The following AP3S2 variants were observed in gnomAD, a reference collection of about 807,000 sequenced individuals.
AP3S2 encodes adaptor related protein complex 3 subunit sigma 2, also known as AP-3 complex subunit sigma-2.
AP3S2 carries 22 observed loss-of-function variants against 23.4 expected under a neutral mutation model. The ratio of observed to expected loss-of-function variants is 0.94; its 90% confidence interval spans 0.67 to 1.34. The LOEUF (loss-of-function observed/expected upper bound fraction) is 1.34. AP3S2 is among the 40% of genes most tolerant of loss of function. AP3S2 has a pLI of 0.00. For synonymous variants in AP3S2, 86 were observed against 87.1 expected, an observed-to-expected ratio of 0.99 and a Z score of 0.07; for missense variants, 241 against 236.9, an observed-to-expected ratio of 1.02 and a Z score of -0.11.
At position 89,833,328 on chromosome 15, in the gene AP3S2, A is replaced by C. The variant is rs572745331; in HGVS notation, c.*2187T>G. The stretch of plus-strand genomic sequence containing the variant: ...TGAGAAGTCAGACTCTCTGAGGCTC[A>C]GTTTCCTTATCTATAAAAAAGAAGA... On this transcript the variant is annotated 3_prime_UTR_variant, in exon 6 of 6. Coordinates refer to ENST00000336418, the MANE Select transcript of AP3S2 (RefSeq NM_005829.5). 6.6e-6 allele frequency: 1 copy of C among 152,344 alleles called. No homozygotes were observed. Among genetic ancestry groups the C allele is most frequent in the African/African-American group, 2.4e-5 (1 of 41,574 alleles). The allele number at this position is 152,344 out of a possible 1,614,324, so 9.4% of individuals were successfully genotyped here. A position where few individuals can be genotyped will look rare whatever the true frequency, so the allele number is the denominator to read the frequency against.
rs1895079464 is a variant in AP3S2, at chr15:89,831,607, TG to T, written c.*3907del. 6.6e-6 allele frequency: 1 copy of T among 152,332 alleles called. No individual in the cohort carries two copies. Among genetic ancestry groups the T allele is most frequent in the Admixed American group, 6.5e-5 (1 of 15,292 alleles). The allele number at this position is 152,332 out of a possible 1,614,324, so 9.4% of individuals were successfully genotyped here. ...ACTGGTCCACAAGATCAGATTTAGC[TG>T]CCCCTGGTTTGAGCCTTGCTCCCCT... is the stretch of plus-strand genomic sequence containing the variant. On this transcript the variant is annotated 3_prime_UTR_variant, in exon 6 of 6. Transcript: ENST00000336418.
intron 4 of AP3S2, among the ~76,000 whole-genome samples, chr15:89,864,584 G>A (rs953924610): frequency 6.0e-5 from 9 of 150,942 alleles, no homozygotes; most frequent in African/African-American, 1.5e-4. Flanking sequence ...TTTTTGAGAC[G>A]GAGTCTCGCT....
chr15:89,869,494 C>T (rs1252545246), intron 4 of AP3S2, among the ~76,000 whole-genome samples: 11 of 143,968 alleles, frequency 7.6e-5, no homozygotes, highest in Non-Finnish European at 1.4e-4. Flanking sequence ...TGTTTATCTG[C>T]TGACCTTCCC....
In AP3S2 at chr15:89,835,300, C is replaced by T. The variant is rs1349089357; in HGVS notation, c.*215G>A. ...TGCAGTGGCCGTATGCATCAGAGAA[C>T]GGCATGACTGCACATGTGAGAACTG... On this transcript the variant is annotated 3_prime_UTR_variant, in exon 6 of 6. Transcript: ENST00000336418. 7.2e-5 allele frequency: 53 copies of T among 739,154 alleles called. No individual in the cohort carries two copies. Among genetic ancestry groups the T allele is most frequent in the Non-Finnish European group, 9.4e-5 (45 of 476,474 alleles). 45.8% of individuals were successfully genotyped at this position (739,154 alleles called of 1,614,324 possible). A position where few individuals can be genotyped will look rare whatever the true frequency, so the allele number is the denominator to read the frequency against.
At chr15:89,891,415 T>C (rs1487980933) in intron 1 of AP3S2, among the ~76,000 whole-genome samples, 2 of 152,078 alleles carry the variant, frequency 1.3e-5, no homozygotes, top group Non-Finnish European at 2.9e-5. Context: ...TCCCTGCACT[T>C]TGGGAGGCCA....
chr15:89,867,862 C>A (rs1896179058), intron 4 of AP3S2, among the ~76,000 whole-genome samples: 2 of 131,742 alleles, frequency 1.5e-5, no homozygotes, highest in African/African-American at 5.6e-5. Context: ...CCGGCAGCCA[C>A]CCCATCTGGG....
At chr15:89,852,518 T>C (rs1481333716) in intron 4 of AP3S2, 1 of 152,170 alleles carries the variant, frequency 6.6e-6, no homozygotes, top group Non-Finnish European at 1.5e-5. Flanking sequence ...AGTTTTTAAC[T>C]GTACTGAGCT....
At chr15:89,848,864 C>A (rs575908991) in intron 4 of AP3S2, 2 of 152,098 alleles carry the variant, frequency 1.3e-5, no homozygotes, top group Non-Finnish European at 2.9e-5. Context: ...GACTCTAGTT[C>A]CCATATTATA....
At chr15:89,837,867 G>T in intron 4 of AP3S2, 145 bp from the exon 5 acceptor site, 1 of 856,136 alleles carries the variant, frequency 1.2e-6, no homozygotes, top group South Asian at 1.7e-5. Context: ...CCCCTGCCCA[G>T]TGACACAACG....
intron 5 of AP3S2, 65 bp from the exon 6 acceptor site, chr15:89,835,708 A>G: frequency 1.4e-6 from 2 of 1,479,282 alleles, no homozygotes; most frequent in East Asian, 4.8e-5. Context: ...TGCTAAAAAA[A>G]AAAAAAAAAA....
At chr15:89,888,710 G>C in intron 2 of AP3S2, 78 bp from the exon 3 acceptor site, 2 of 1,435,430 alleles carry the variant, frequency 1.4e-6, no homozygotes, top group Non-Finnish European at 9.5e-7. Context: ...CAAAGAATGA[G>C]AAAGGACCCA....
intron 3 of AP3S2, among the ~76,000 whole-genome samples, chr15:89,878,936 C>T (rs1259652926): frequency 4.6e-5 from 7 of 152,292 alleles, no homozygotes; most frequent in African/African-American, 1.4e-4. Context: ...TTAGTAGAGA[C>T]GAGGTTTCAC....
Position 89,881,649 on chromosome 15 carries a change from T to C in AP3S2, c.273+6872A>G, listed in dbSNP as rs547401594. Among the ~76,000 whole-genome samples the C allele has an allele frequency of 7.9e-5, 12 of 152,198 alleles. No individual in the cohort carries two copies. The South Asian group carries it at 1.5e-3, about 18-fold the overall frequency. ...TCAATTATATTATAGAAGGCTGACA[T>C]GGAAAACAAAATTATAAACCCACAC... On this transcript the variant is annotated intron_variant, in intron 3 of 5. Coordinates refer to ENST00000336418, the MANE Select transcript of AP3S2 (RefSeq NM_005829.5).
At position 89,837,699 on chromosome 15, in the gene AP3S2, C is replaced by G. The variant is rs769976020; in HGVS notation, c.369G>C (p.Val123=). The G allele has an allele frequency of 1.8e-5, 29 of 1,614,150 alleles. No homozygotes were observed. Among genetic ancestry groups the G allele is most frequent in the Non-Finnish European group, 2.5e-5 (29 of 1,180,016 alleles). The change falls in exon 5 of 6, where the codon GTG becomes GTC. Residue 123 remains valine, a synonymous_variant. Coordinates refer to ENST00000336418, the MANE Select transcript of AP3S2 (RefSeq NM_005829.5). ...TTTCCAACACCATCCCACCCATCACCACCTCCTGGAGGATGTAGTGCACCT... is the reference window on the plus strand; with the variant it reads ...TTTCCAACACCATCCCACCCATCACGACCTCCTGGAGGATGTAGTGCACCT... ...MDKVHYILQE[V]VMGGMVLETN...
intron 4 of AP3S2, among the ~76,000 whole-genome samples, chr15:89,848,442 G>C (rs1459326847): frequency 1.3e-5 from 2 of 152,182 alleles, no homozygotes; most frequent in African/African-American, 4.8e-5. Context: ...CTCACTGCAG[G>C]CTCCGCCTCC....
chr15:89,873,248 A>G (rs113290378), intron 3 of AP3S2, among the ~76,000 whole-genome samples: 4 of 149,204 alleles, frequency 2.7e-5, no homozygotes, highest in African/African-American at 9.8e-5. Context: ...ATCTTTTTGG[A>G]GCTGCTTATA....
chr15:89,855,143 G>C lies in AP3S2; in HGVS notation c.345+16332C>G, dbSNP rs1230840313. Among the ~76,000 whole-genome samples the C allele has an allele frequency of 3.4e-3, 420 of 124,734 alleles. 11 individuals carry two copies. The highest frequency in any genetic ancestry group is 0.012 in the African/African-American group (400 of 33,276). The allele number at this position is 124,734 out of a possible 152,430, so 81.8% of individuals were successfully genotyped here. On this transcript the variant is annotated intron_variant, in intron 4 of 5. Coordinates refer to ENST00000336418, the MANE Select transcript of AP3S2 (RefSeq NM_005829.5). ...GATGGTTGCCGTGTCTGTGTAGAAAGAAGTAGACATGGGAGACTTTTCATT... is the reference window on the plus strand; with the variant it reads ...GATGGTTGCCGTGTCTGTGTAGAAACAAGTAGACATGGGAGACTTTTCATT...
intron 4 of AP3S2, among the ~76,000 whole-genome samples, chr15:89,856,635 G>A (rs1297597645): frequency 6.8e-6 from 1 of 147,072 alleles, no homozygotes; most frequent in African/African-American, 2.5e-5. Flanking sequence ...CCAGGAGGCA[G>A]AGATTGCAGT....
Position 89,855,918 on chromosome 15 carries a change from G to A in AP3S2, c.345+15557C>T, listed in dbSNP as rs575991862. Among the ~76,000 whole-genome samples, 6 of 132,418 alleles carry A rather than the reference G, an allele frequency of 4.5e-5. No homozygotes were observed. In the South Asian group the frequency reaches 1.5e-3, roughly 33 times the overall value. The allele number at this position is 132,418 out of a possible 152,430, so 86.9% of individuals were successfully genotyped here. ...ATGTCTGCACCAATAATTCCAGCAT[G>A]TGTATGAATAAATATGATATGTCCT... On this transcript the variant is annotated intron_variant, in intron 4 of 5. Coordinates refer to ENST00000336418, the MANE Select transcript of AP3S2 (RefSeq NM_005829.5).
Sources: allele counts gnomAD v4.1 joint callset (sites outside exome capture counted in the v4.1 genomes callset), GRCh38; gene constraint gnomAD v4.1.1; transcripts MANE v1.5; gene names NCBI Gene and HGNC (gene_info 2026-07-23, HGNC 2026-07-21).